Variants in SPHKAP observed in about 807,000 individuals in gnomAD.
SPHKAP encodes A-kinase anchor protein SPHKAP.
SPHKAP carries 67 observed loss-of-function variants against 137.5 expected under a neutral mutation model. That is an observed-to-expected ratio of 0.49 (90% CI 0.40 to 0.60). The LOEUF is 0.60. Among genes scored for constraint, SPHKAP ranks in the 20% least tolerant of loss-of-function variants. The pLI, the probability that SPHKAP is intolerant of heterozygous loss-of-function variation, is 0.00. For missense variants in SPHKAP, 2,097 were observed against 2,069.3 expected, an observed-to-expected ratio of 1.01 and a Z score of -0.26; for synonymous variants, 813 against 785.3, an observed-to-expected ratio of 1.04 and a Z score of -0.59.
intron 8 of SPHKAP, among the ~76,000 whole-genome samples, chr2:227,995,141 C>T (rs1419092498): frequency 2.6e-5 from 4 of 152,148 alleles, no homozygotes; most frequent in African/African-American, 4.8e-5. Context: ...TCGTGTAAAC[C>T]CAGCCTGTGT....
chr2:228,022,963 C>A (rs574379351), intron 5 of SPHKAP, among the ~76,000 whole-genome samples: 1 of 152,092 alleles, frequency 6.6e-6, no homozygotes, highest in Non-Finnish European at 1.5e-5. Flanking sequence ...TAAATGAAAT[C>A]CATAGGAAGT....
chr2:227,993,759 A>G, intron 8 of SPHKAP, 139 bp from the exon 9 acceptor site: 1 of 719,950 alleles, frequency 1.4e-6, no homozygotes, highest in Non-Finnish European at 2.3e-6. Context: ...ACCTCAATTC[A>G]TATTTATTTC....
chr2:228,159,278 T>C (rs930417568), intron 1 of SPHKAP, among the ~76,000 whole-genome samples: 2 of 152,220 alleles, frequency 1.3e-5, no homozygotes, highest in African/African-American at 4.8e-5. Flanking sequence ...GAAATGGAAC[T>C]CATTTCTGCT....
Position 228,017,090 on chromosome 2 carries a change from A to C in SPHKAP, c.3764T>G (p.Ile1255Ser). ...AAAGCCATCTAAAGAGTTGGCTTTGATGGGCACATTCACTGTCAGCCTGGA... is the reference window on the plus strand; with the variant it reads ...AAAGCCATCTAAAGAGTTGGCTTTGCTGGGCACATTCACTGTCAGCCTGGA... ...PCSRLTVNVP[I>S]KANSLDGFAQ... The change falls in exon 7 of 12, where the codon ATC becomes AGC. Residue 1255 changes from isoleucine (I) to serine (S), a missense_variant. Ile to Ser is a moderately radical substitution (Grantham distance 142). Transcript: ENST00000392056. The C allele has an allele frequency of 6.2e-7, 1 of 1,614,014 alleles. No individual in the cohort carries two copies. Among genetic ancestry groups the C allele is most frequent in the Non-Finnish European group, 8.5e-7 (1 of 1,180,014 alleles).
In SPHKAP at chr2:228,157,879, G is replaced by GA. The variant is rs920635649; in HGVS notation, c.32+23687dup. On this transcript the variant is annotated intron_variant, in intron 1 of 11. Transcript: ENST00000392056. Reference sequence around the variant, plus strand: ...AGTTGGATAATTATGAGTCTTAAAAGAAAAAAAAATGTCACCAAGGAAACA... The same window carrying GA: ...AGTTGGATAATTATGAGTCTTAAAAGAAAAAAAAAATGTCACCAAGGAAACA... Among the ~76,000 whole-genome samples, 63 of 150,946 alleles carry GA rather than the reference G, an allele frequency of 4.2e-4. 1 individual carries two copies. The highest frequency in any genetic ancestry group is 1.3e-3 in the African/African-American group (52 of 41,192).
intron 3 of SPHKAP, among the ~76,000 whole-genome samples, chr2:228,073,278 C>T (rs1697060289): frequency 6.6e-6 from 1 of 152,152 alleles, no homozygotes; most frequent in Non-Finnish European, 1.5e-5. Flanking sequence ...AGGATAAGGG[C>T]TTCAAATTGA....
At position 228,085,158 on chromosome 2, in the gene SPHKAP, T is replaced by C. The variant is rs372077062; in HGVS notation, c.246+23674A>G. ...TCTGACACTGCACTGTGAAGAACAA[T>C]GAATAAGCATTTGGAAAGGGTCTTA... On this transcript the variant is annotated intron_variant, in intron 3 of 11. Transcript: ENST00000392056. 3.9e-5 allele frequency among the ~76,000 whole-genome samples: 6 copies of C among 152,192 alleles called. No homozygotes were observed. The East Asian group carries it at 9.6e-4, about 24-fold the overall frequency.
chr2:228,141,518 ATATT>A (rs1214134593), intron 1 of SPHKAP, among the ~76,000 whole-genome samples: 1 of 152,216 alleles, frequency 6.6e-6, no homozygotes, highest in Non-Finnish European at 1.5e-5. Flanking sequence ...AATTGCATAA[ATATT>A]TATTATAGTG....
rs115155578 is a variant in SPHKAP, at chr2:228,147,683, T to C, written c.33-15598A>G. 5.0e-3 allele frequency among the ~76,000 whole-genome samples: 758 copies of C among 152,314 alleles called. 6 individuals carry two copies. The highest frequency in any genetic ancestry group is 0.017 in the African/African-American group (710 of 41,570). On this transcript the variant is annotated intron_variant, in intron 1 of 11. Coordinates refer to ENST00000392056, the MANE Select transcript of SPHKAP (RefSeq NM_001142644.2). ...GTGAAATGGGACTCATATGATTCAC[T>C]TTACAAGCTTTGTTGTTACCGAAGG...
At chr2:227,987,929 C>T (rs1167785025) in intron 11 of SPHKAP, among the ~76,000 whole-genome samples, 1 of 152,144 alleles carries the variant, frequency 6.6e-6, no homozygotes, top group Admixed American at 6.5e-5. Flanking sequence ...TTGTCCAATA[C>T]CCTAGTGACA....
At position 228,016,491 on chromosome 2, in the gene SPHKAP, C is replaced by T. The variant is rs1410269439; in HGVS notation, c.4363G>A (p.Glu1455Lys). Residue 1455 changes from glutamate to lysine, a missense_variant, in exon 7 of 12, where the codon GAA becomes AAA. Coordinates refer to ENST00000392056, the MANE Select transcript of SPHKAP (RefSeq NM_001142644.2). ...PFLSKSSLLE[E>K]AEGHSNDKNI... ...TTGTCATTCGAATGCCCTTCTGCTT[C>T]CTCTAGGAGGCTGCTTTTGGAAAGG... is the stretch of plus-strand genomic sequence containing the variant. 6.2e-7 allele frequency: 1 copy of T among 1,613,876 alleles called. No individual in the cohort carries two copies. The highest frequency in any genetic ancestry group is 1.7e-5 in the Admixed American group (1 of 59,984).
At chr2:228,010,146 C>T (rs1464083147) in intron 7 of SPHKAP, among the ~76,000 whole-genome samples, 2 of 152,082 alleles carry the variant, frequency 1.3e-5, no homozygotes, top group Non-Finnish European at 1.5e-5. Context: ...AATTATAGGG[C>T]TAATCACGTT....
intron 3 of SPHKAP, among the ~76,000 whole-genome samples, chr2:228,036,731 T>C (rs1357705562): frequency 6.6e-6 from 1 of 152,032 alleles, no homozygotes; most frequent in Admixed American, 6.6e-5. Context: ...ATGTCCTTTG[T>C]AGGGACACGG....
chr2:227,991,679 T>G (rs1420631824), intron 9 of SPHKAP: 43 of 985,080 alleles, frequency 4.4e-5, no homozygotes, highest in Non-Finnish European at 5.1e-5. Flanking sequence ...TAACTAGTTC[T>G]GATTTGGAGA....
rs200101196 is a variant in SPHKAP, at chr2:228,019,080, C to G, written c.1774G>C (p.Ala592Pro). ...SVAPSGSLPPAAEASEAMPPL... is the reference protein window; with the variant it reads ...SVAPSGSLPPPAEASEAMPPL... ...GGCATGGCTTCAGAAGCCTCAGCTG[C>G]AGGCGGGAGGCTACCACTTGGAGCC... Residue 592 changes from alanine (A) to proline (P), a missense_variant, in exon 7 of 12, where the codon GCA becomes CCA. Physicochemically the swap from Ala to Pro is conservative, Grantham distance 27. Transcript: ENST00000392056. 1 of 1,614,020 alleles carries G rather than the reference C, an allele frequency of 6.2e-7. No individual in the cohort carries two copies. Among genetic ancestry groups the G allele is most frequent in the Non-Finnish European group, 8.5e-7 (1 of 1,179,974 alleles).
Position 228,181,056 on chromosome 2 carries a change from G to A in SPHKAP, c.32+511C>T, listed in dbSNP as rs1330892226. Among the ~76,000 whole-genome samples, 2 of 151,994 alleles carry A rather than the reference G, an allele frequency of 1.3e-5. No individual in the cohort carries two copies. Among genetic ancestry groups the A allele is most frequent in the African/African-American group, 4.8e-5 (2 of 41,408 alleles). ...GTTTTCTGCCCTGTCTTAAGATCTC[G>A]CTTTGGGGGCAGTCTAGGTGTCGGT... On this transcript the variant is annotated intron_variant, in intron 1 of 11. Coordinates refer to ENST00000392056, the MANE Select transcript of SPHKAP (RefSeq NM_001142644.2). The surrounding 1 kb of genome is among the most constrained non-coding windows in gnomAD (Gnocchi z 4.3).
intron 1 of SPHKAP, among the ~76,000 whole-genome samples, chr2:228,139,442 T>C (rs1235657011): frequency 6.6e-6 from 1 of 152,204 alleles, no homozygotes; most frequent in African/African-American, 2.4e-5. Flanking sequence ...TAGAATGTTA[T>C]TGGAGATTAT....
chr2:228,080,931 T>C (rs1458450112), intron 3 of SPHKAP, among the ~76,000 whole-genome samples: 2 of 152,146 alleles, frequency 1.3e-5, no homozygotes, highest in Admixed American at 6.5e-5. Flanking sequence ...TGGAAAACAG[T>C]ATGGAGGTTC....
intron 3 of SPHKAP, among the ~76,000 whole-genome samples, chr2:228,034,855 AAATT>A (rs1322991707): frequency 6.6e-6 from 1 of 152,172 alleles, no homozygotes; most frequent in Admixed American, 6.6e-5. Flanking sequence ...AACTCTCAAT[AAATT>A]AGGTATTGAT....
Sources: gnomAD v4.1 joint callset for allele counts (sites outside exome capture counted in the v4.1 genomes callset) on GRCh38, gnomAD v4.1.1 for gene constraint, Gnocchi (gnomAD v3.1) non-coding constraint, MANE v1.5 for transcripts, NCBI Gene and HGNC (gene_info 2026-07-23, HGNC 2026-07-21) for gene names.